RBFOX1: variants seen among roughly 807,000 people sequenced by gnomAD.
RBFOX1 encodes RNA binding fox-1 homolog 1, also known as RNA binding protein fox-1 homolog 1.
RBFOX1 carries 8 observed loss-of-function variants against 57.7 expected under a neutral mutation model. The observed-to-expected ratio is 0.14, with a 90% CI of 0.08 to 0.25. RBFOX1 has a LOEUF of 0.25. RBFOX1 is among the 10% of genes least tolerant of loss of function. RBFOX1 has a pLI of 1.00. For missense variants in RBFOX1, 611 were observed against 548.5 expected (o/e 1.11, Z -1.14); for synonymous variants, 326 against 222.4 (o/e 1.47, Z -4.15).
chr16:5,411,004 C>T (rs2067007437), intron 1 of RBFOX1, among the ~76,000 whole-genome samples: 1 of 152,230 alleles, frequency 6.6e-6, no homozygotes, highest in Non-Finnish European at 1.5e-5. Flanking sequence ...CAACAAAGTG[C>T]TTCCAACCTA....
intron 4 of RBFOX1, among the ~76,000 whole-genome samples, chr16:7,410,830 C>CGTGTGTGT (rs56755477): frequency 1.3e-3 from 195 of 150,434 alleles, no homozygotes; most frequent in African/African-American, 4.0e-3. Context: ...TGAGTTTTCA[C>CGTGTGTGT]GTGTGTGTGT....
intron 5 of RBFOX1, among the ~76,000 whole-genome samples, chr16:7,575,971 T>G (rs67106447): frequency 6.6e-6 from 1 of 151,992 alleles, no homozygotes; most frequent in Non-Finnish European, 1.5e-5. Context: ...TCTTGCTCCA[T>G]TGCCCAGGCT....
rs111450941 is a variant in RBFOX1, at chr16:7,175,780, C to T, written c.27+123682C>T. Among the ~76,000 whole-genome samples the T allele has an allele frequency of 3.0e-3, 461 of 152,256 alleles. 1 individual carries two copies. Among genetic ancestry groups the T allele is most frequent in the Admixed American group, 4.7e-3 (72 of 15,292 alleles). On this transcript the variant is annotated intron_variant, in intron 4 of 15. Transcript: ENST00000550418. ...ATAAAATGTCTTCCTCTCTCCTTCTCAGAGTAAAGCAAGTCTCTGCACATG... is the reference window on the plus strand; with the variant it reads ...ATAAAATGTCTTCCTCTCTCCTTCTTAGAGTAAAGCAAGTCTCTGCACATG...
intron 1 of RBFOX1, among the ~76,000 whole-genome samples, chr16:5,432,005 G>T (rs1432092028): frequency 6.6e-6 from 1 of 152,178 alleles, no homozygotes; most frequent in African/African-American, 2.4e-5. Flanking sequence ...CTAGTGGGGT[G>T]AGAAGGAGGT....
intron 1 of RBFOX1, among the ~76,000 whole-genome samples, chr16:6,130,899 T>C (rs774312774): frequency 3.9e-5 from 6 of 152,134 alleles, no homozygotes; most frequent in Non-Finnish European, 8.8e-5. Flanking sequence ...CTAAAGCCAG[T>C]AATAGATAAA....
At chr16:7,057,169 C>G (rs190516494) in intron 4 of RBFOX1, among the ~76,000 whole-genome samples, 1 of 152,238 alleles carries the variant, frequency 6.6e-6, no homozygotes, top group African/African-American at 2.4e-5. Context: ...CTACTGCCAC[C>G]AAACTCCCCA....
chr16:5,733,814 C>T (rs927404040), intron 3 of RBFOX1, among the ~76,000 whole-genome samples: 1 of 151,890 alleles, frequency 6.6e-6, no homozygotes. Context: ...CTTTCCTTCC[C>T]ATCCGCGTCC....
At chr16:5,713,643 A>G (rs992799820) in intron 3 of RBFOX1, among the ~76,000 whole-genome samples, 3 of 152,184 alleles carry the variant, frequency 2.0e-5, no homozygotes, top group Non-Finnish European at 4.4e-5. Context: ...AGCTATGAGG[A>G]ATGCTGCCCA....
chr16:5,499,748 T>C (rs1442133968), intron 2 of RBFOX1, among the ~76,000 whole-genome samples: 2 of 151,966 alleles, frequency 1.3e-5, no homozygotes, highest in Non-Finnish European at 2.9e-5. Context: ...AATGTTTGTA[T>C]TGTTAGTAGA....
At chr16:7,130,589 G>T (rs2070034074) in intron 4 of RBFOX1, among the ~76,000 whole-genome samples, 1 of 152,118 alleles carries the variant, frequency 6.6e-6, no homozygotes, top group Non-Finnish European at 1.5e-5. Context: ...CAAATAATGT[G>T]TGTTGATAAG....
At chr16:6,631,816 G>T (rs1347850146) in intron 2 of RBFOX1, among the ~76,000 whole-genome samples, 1 of 152,078 alleles carries the variant, frequency 6.6e-6, no homozygotes, top group Non-Finnish European at 1.5e-5. Context: ...GGGGGCGGGG[G>T]TAGAGCGGGT....
At chr16:7,558,399 C>T (rs141603852) in intron 5 of RBFOX1, among the ~76,000 whole-genome samples, 1 of 151,820 alleles carries the variant, frequency 6.6e-6, no homozygotes, top group African/African-American at 2.4e-5. Context: ...CACTCACACA[C>T]ATATATATTT....
intron 4 of RBFOX1, among the ~76,000 whole-genome samples, chr16:7,336,623 T>A (rs1163609742): frequency 6.6e-6 from 1 of 152,202 alleles, no homozygotes; most frequent in African/African-American, 2.4e-5. Flanking sequence ...AAGACTATAA[T>A]GAAGTCAGAG....
intron 2 of RBFOX1, among the ~76,000 whole-genome samples, chr16:5,480,387 A>G (rs1488020497): frequency 6.6e-6 from 1 of 152,196 alleles, no homozygotes; most frequent in African/African-American, 2.4e-5. Context: ...TTTAAAAAAA[A>G]AAACCCAACA....
intron 3 of RBFOX1, among the ~76,000 whole-genome samples, chr16:6,756,663 T>A (rs1304140487): frequency 6.6e-6 from 1 of 152,072 alleles, no homozygotes; most frequent in African/African-American, 2.4e-5. Context: ...AGGATCTGAA[T>A]AAACATTTCT....
chr16:6,526,817 G>T (rs560099398), intron 2 of RBFOX1, among the ~76,000 whole-genome samples: 1 of 101,442 alleles, frequency 9.9e-6, no homozygotes, highest in Non-Finnish European at 1.7e-5. Flanking sequence ...GCAACAGAGC[G>T]AGACTCTGTC....
chr16:7,092,984 T>C (rs528283506), intron 4 of RBFOX1, among the ~76,000 whole-genome samples: 1 of 152,306 alleles, frequency 6.6e-6, no homozygotes, highest in East Asian at 1.9e-4. Context: ...GTGCTGGAAA[T>C]TGCCTCTGGC....
chr16:5,739,366 G>C lies in RBFOX1; in HGVS notation c.319-127937G>C, dbSNP rs541516839. Reference sequence around the variant, plus strand: ...CAGTACTCAAGGCACCGGTAATACAGCTGTGAATAAAACAGACAAGAATCT... The same window carrying C: ...CAGTACTCAAGGCACCGGTAATACACCTGTGAATAAAACAGACAAGAATCT... On this transcript the variant is annotated intron_variant, in intron 3 of 19. Transcript: ENST00000641259. Among the ~76,000 whole-genome samples, 150 of 152,346 alleles carry C rather than the reference G, an allele frequency of 9.8e-4. 1 individual carries two copies. Among genetic ancestry groups the C allele is most frequent in the African/African-American group, 3.3e-3 (137 of 41,584 alleles).
intron 3 of RBFOX1, among the ~76,000 whole-genome samples, chr16:6,710,966 T>G (rs1467764941): frequency 6.6e-6 from 1 of 152,104 alleles, no homozygotes; most frequent in African/African-American, 2.4e-5. Context: ...GGGAGTGCAA[T>G]TCCCCAAAGA....
Sources: allele counts gnomAD v4.1 joint callset (sites outside exome capture counted in the v4.1 genomes callset), GRCh38; gene constraint gnomAD v4.1.1; transcripts MANE v1.5; gene names NCBI Gene and HGNC (gene_info 2026-07-23, HGNC 2026-07-21).